ECE1: variants seen among roughly 807,000 people sequenced by gnomAD.
The protein encoded by ECE1 is endothelin converting enzyme 1, also known as endothelin-converting enzyme 1.
A neutral mutation model predicts 98.6 loss-of-function variants in ECE1; 35 were observed. That is an observed-to-expected ratio of 0.35 (90% CI 0.27 to 0.47). The LOEUF (loss-of-function observed/expected upper bound fraction) is 0.47. Ranked by LOEUF, ECE1 falls within the 20% of genes least tolerant of loss-of-function variation. ECE1 has a pLI of 1.00. For synonymous variants in ECE1, 394 were observed against 407.1 expected (o/e 0.97, Z 0.39); for missense variants, 814 against 1,025.3 (o/e 0.79, Z 2.81).
intron 1 of ECE1, among the ~76,000 whole-genome samples, chr1:21,304,171 C>T (rs1457179187): frequency 1.3e-5 from 2 of 151,430 alleles, no homozygotes; most frequent in East Asian, 4.0e-4. Flanking sequence ...AAAAAATTAG[C>T]CAGGTGTGGT....
At position 21,260,225 on chromosome 1, in the gene ECE1, G is replaced by A. The variant is rs139872138; in HGVS notation, c.615+46C>T. 3.4e-3 allele frequency: 5,429 copies of A among 1,614,078 alleles called. 15 individuals are homozygous for A. Among genetic ancestry groups the A allele is most frequent in the Middle Eastern group, 0.013 (79 of 6,062 alleles). On this transcript the variant is annotated intron_variant, in intron 5 of 18. Coordinates refer to ENST00000374893, the MANE Select transcript of ECE1 (RefSeq NM_001397.3). This position sits in a 1 kb window ranked among gnomAD's most constrained non-coding sequence, Gnocchi z 4.3. ...TGGAGTGGAAGCCAGGGGGCGGGCA[G>A]GTGGCATGGGCCGGGGCTTGGGGAG... is the stretch of plus-strand genomic sequence containing the variant.
chr1:21,281,308 G>A (rs1027845523), intron 2 of ECE1, among the ~76,000 whole-genome samples: 2 of 152,218 alleles, frequency 1.3e-5, no homozygotes, highest in African/African-American at 4.8e-5. Flanking sequence ...GTCAGGCAGT[G>A]GGAGGGATGC....
chr1:21,236,960 G>C (rs1422331878), intron 11 of ECE1, 116 bp from the exon 12 acceptor site: 1 of 1,023,758 alleles, frequency 9.8e-7, no homozygotes, highest in Non-Finnish European at 1.5e-6. Context: ...CCAAGCGTCA[G>C]GCTGGGTGAG....
intron 5 of ECE1, among the ~76,000 whole-genome samples, chr1:21,259,934 G>A (rs2098224561): frequency 6.6e-6 from 1 of 152,140 alleles, no homozygotes; most frequent in South Asian, 2.1e-4. Flanking sequence ...GGAAAAAACA[G>A]CAGCAACGTG....
chr1:21,304,814 G>GA (rs376669638), intron 1 of ECE1, among the ~76,000 whole-genome samples: 189 of 150,500 alleles, frequency 1.3e-3, no homozygotes, highest in African/African-American at 4.2e-3. Flanking sequence ...ACCTTATTAA[G>GA]AAAAAAAAAT....
At chr1:21,329,981 C>T (rs1034256259) in intron 1 of ECE1, among the ~76,000 whole-genome samples, 12 of 152,088 alleles carry the variant, frequency 7.9e-5, no homozygotes, top group African/African-American at 2.9e-4. Context: ...AGTCTGGAGC[C>T]AGACTGTTCA....
intron 1 of ECE1, among the ~76,000 whole-genome samples, chr1:21,331,692 C>T (rs934625568): frequency 6.6e-6 from 1 of 152,134 alleles, no homozygotes; most frequent in Non-Finnish European, 1.5e-5. Flanking sequence ...CATTACCTCT[C>T]TGTCCCTCAG....
At chr1:21,243,400 TAA>T (rs10596193) in intron 10 of ECE1, among the ~76,000 whole-genome samples, 6,598 of 142,604 alleles carry the variant, frequency 0.046, 440 homozygotes, top group African/African-American at 0.15. Context: ...ATAAATATAT[TAA>T]AAAAAAAAAA....
At chr1:21,276,214 C>T (rs780996431) in intron 3 of ECE1, among the ~76,000 whole-genome samples, 5 of 151,928 alleles carry the variant, frequency 3.3e-5, no homozygotes, top group African/African-American at 7.3e-5. Flanking sequence ...TTAGTAGACA[C>T]GAGGTTTCAC....
chr1:21,295,677 T>C (rs574059250), intron 1 of ECE1, among the ~76,000 whole-genome samples: 2 of 152,382 alleles, frequency 1.3e-5, no homozygotes, highest in Admixed American at 6.5e-5. Context: ...TTCAGCTTTT[T>C]CCTTGTCCAC....
In ECE1 at chr1:21,272,699, C is replaced by G. The variant is rs2098241647; in HGVS notation, c.493G>C (p.Glu165Gln). ...HNQAIIKHLL[E>Q]NSTASVSEAE... is the part of the protein sequence containing the mutation. ...ATTGGTCTCCATGCTGGATGCTTAC[C>G]GAGGAGGTGCTTGATGATTGCTTGG... Residue 165 changes from glutamate (E) to glutamine (Q), a missense_variant and splice_region_variant, in exon 4 of 19, where the codon GAA becomes CAA. By Grantham distance (29) the Glu-to-Gln change is conservative. Around this residue, in one of 3 missense-constraint regions of ECE1, gnomAD observed 257 missense variants for 278.9 expected, o/e 0.92. Coordinates refer to ENST00000374893, the MANE Select transcript of ECE1 (RefSeq NM_001397.3). 17 of 1,614,210 alleles carry G rather than the reference C, an allele frequency of 1.1e-5. No individual in the cohort carries two copies. Among genetic ancestry groups the G allele is most frequent in the Non-Finnish European group, 1.4e-5 (16 of 1,180,042 alleles).
intron 5 of ECE1, among the ~76,000 whole-genome samples, chr1:21,259,433 A>G (rs2098223998): frequency 6.6e-6 from 1 of 151,912 alleles, no homozygotes. Context: ...ACACCTGGCT[A>G]ATTTTTAAAT....
intron 1 of ECE1, among the ~76,000 whole-genome samples, chr1:21,330,226 CTTTTTTTTT>C (rs71014186): frequency 1.4e-4 from 6 of 43,402 alleles, no homozygotes; most frequent in African/African-American, 3.2e-4. Flanking sequence ...TCGCCAAATA[CTTTTTTTTT>C]TTTTTTTTTT....
At position 21,235,834 on chromosome 1, in the gene ECE1, G is replaced by A; in HGVS notation, c.1566+16C>T. On this transcript the variant is annotated intron_variant, in intron 13 of 18. Coordinates refer to ENST00000374893, the MANE Select transcript of ECE1 (RefSeq NM_001397.3). This position sits in a 1 kb window ranked among gnomAD's most constrained non-coding sequence, Gnocchi z 4.2. ...GGCATTTAGGAACGCAAGGGGGCAGGGCAGCAGCTACTCACGTCATTAAAC... is the reference window on the plus strand; with the variant it reads ...GGCATTTAGGAACGCAAGGGGGCAGAGCAGCAGCTACTCACGTCATTAAAC... The A allele has an allele frequency of 6.2e-7, 1 of 1,613,932 alleles. No individual in the cohort carries two copies.
At chr1:21,284,113 G>C (rs1452194773) in intron 2 of ECE1, among the ~76,000 whole-genome samples, 1 of 152,202 alleles carries the variant, frequency 6.6e-6, no homozygotes, top group Non-Finnish European at 1.5e-5. Flanking sequence ...GCTGGCCTCG[G>C]CTGAGTCTCT....
At chr1:21,320,542 A>G (rs1638941819) in intron 1 of ECE1, among the ~76,000 whole-genome samples, 1 of 152,252 alleles carries the variant, frequency 6.6e-6, no homozygotes, top group Non-Finnish European at 1.5e-5. Context: ...AGCACTTTCC[A>G]TGTATTATCA....
intron 2 of ECE1, among the ~76,000 whole-genome samples, chr1:21,287,246 C>T (rs1160889169): frequency 6.6e-6 from 1 of 152,198 alleles, no homozygotes; most frequent in Non-Finnish European, 1.5e-5. Flanking sequence ...AGAGCACAGG[C>T]TGGATGTGGT....
In ECE1 at chr1:21,258,562, C is replaced by A. The variant is rs2098222807; in HGVS notation, c.762+131G>T. 3.5e-6 allele frequency: 5 copies of A among 1,430,170 alleles called. No homozygotes were observed. The South Asian group carries it at 3.7e-5, about 10-fold the overall frequency. The allele number at this position is 1,430,170 out of a possible 1,614,324, so 88.6% of individuals were successfully genotyped here. ...CACCAGTGGGGCCTCTGGAAATAAC[C>A]CAGGCTCAGAAACTAGAAGACCGCC... On this transcript the variant is annotated intron_variant, in intron 6 of 18. Transcript: ENST00000374893. This position sits in a 1 kb window ranked among gnomAD's most constrained non-coding sequence, Gnocchi z 4.2.
At chr1:21,286,788 T>TG (rs916466328) in intron 2 of ECE1, among the ~76,000 whole-genome samples, 4 of 151,888 alleles carry the variant, frequency 2.6e-5, no homozygotes, top group African/African-American at 9.7e-5. Context: ...TAGCCAGGCA[T>TG]GGTGGCACAT....
Sources: gnomAD v4.1 joint callset for allele counts (sites outside exome capture counted in the v4.1 genomes callset) on GRCh38, gnomAD v4.1.1 for gene constraint, gnomAD v4.1.1 regional missense constraint, Gnocchi (gnomAD v3.1) non-coding constraint, MANE v1.5 for transcripts, NCBI Gene and HGNC (gene_info 2026-07-23, HGNC 2026-07-21) for gene names.